NODAL: variants seen among roughly 807,000 people sequenced by gnomAD.
NODAL encodes nodal growth differentiation factor, also known as nodal homolog.
NODAL carries 12 observed loss-of-function variants against 34.0 expected under a neutral mutation model. The ratio of observed to expected loss-of-function variants is 0.35; its 90% CI spans 0.23 to 0.57. The LOEUF (loss-of-function observed/expected upper bound fraction) is 0.57. Ranked by LOEUF, NODAL falls within the 20% of genes least tolerant of loss-of-function variation. The pLI is 0.83. For synonymous variants in NODAL, 162 were observed against 186.4 expected, an observed-to-expected ratio of 0.87 and a Z score of 1.07; for missense variants, 390 against 444.2, an observed-to-expected ratio of 0.88 and a Z score of 1.10.
At position 70,432,981 on chromosome 10, in the gene NODAL, T is replaced by C; in HGVS notation, c.999A>G (p.Leu333=). ...CCACGATCATGTCTTTATGGTGATC[T>C]AGGAGCACTCTGCCATTATCCACAT... ...MLYVDNGRVL[L]DHHKDMIVEE... Residue 333 remains leucine (L), a synonymous_variant, in exon 3 of 3, where the codon CTA becomes CTG. Transcript: ENST00000287139. 6.2e-7 allele frequency: 1 copy of C among 1,614,136 alleles called. No homozygotes were observed. The highest frequency in any genetic ancestry group is 1.1e-5 in the South Asian group (1 of 91,082).
chr10:70,445,684 G>A (rs1054506410), upstream of NODAL, among the ~76,000 whole-genome samples: 1 of 152,210 alleles, frequency 6.6e-6, no homozygotes, highest in African/African-American at 2.4e-5. Context: ...CAGAGACGAT[G>A]AGAAAACAGA....
chr10:70,434,364 A>G (rs769955498), intron 2 of NODAL, among the ~76,000 whole-genome samples: 3 of 151,922 alleles, frequency 2.0e-5, no homozygotes, highest in East Asian at 1.9e-4. Context: ...GGCTTTGTCT[A>G]CTTTTTCTTG....
At chr10:70,442,767 A>C (rs1845446936), upstream of NODAL, among the ~76,000 whole-genome samples, 2 of 152,148 alleles carry the variant, frequency 1.3e-5, no homozygotes, top group African/African-American at 4.8e-5. Context: ...CTTCTTTCAC[A>C]GGATGCCTCT....
chr10:70,445,666 C>T (rs1845481798), upstream of NODAL, among the ~76,000 whole-genome samples: 1 of 152,182 alleles, frequency 6.6e-6, no homozygotes, highest in African/African-American at 2.4e-5. Flanking sequence ...TTATCCTCAT[C>T]CCCACTTCAG....
chr10:70,441,417 G>T, intron 1 of NODAL, 58 bp downstream of exon 1: 1 of 1,524,700 alleles, frequency 6.6e-7, no homozygotes. Context: ...CCGCTGGCTG[G>T]ACGCGGCGGA....
upstream of NODAL, among the ~76,000 whole-genome samples, chr10:70,444,180 G>A (rs566582923): frequency 2.8e-4 from 42 of 152,134 alleles, no homozygotes; most frequent in African/African-American, 8.9e-4. Flanking sequence ...CGATCCACCC[G>A]CCTCAGCCTC....
upstream of NODAL, among the ~76,000 whole-genome samples, chr10:70,442,383 A>C (rs1407848983): frequency 6.6e-6 from 1 of 152,204 alleles, no homozygotes; most frequent in Non-Finnish European, 1.5e-5. Flanking sequence ...TGATTTCAGG[A>C]GGAAAGGTGT....
intron 2 of NODAL, 112 bp downstream of exon 2, chr10:70,435,174 G>C: frequency 1.1e-6 from 1 of 927,006 alleles, no homozygotes; most frequent in Admixed American, 2.1e-5. Flanking sequence ...GTACATTGGA[G>C]GTGCTTGAGT....
chr10:70,442,966 A>G (rs1253162564), upstream of NODAL, among the ~76,000 whole-genome samples: 2 of 152,152 alleles, frequency 1.3e-5, no homozygotes, highest in Non-Finnish European at 2.9e-5. Flanking sequence ...GTGCGCCTGT[A>G]GTCCCAGCTC....
intron 2 of NODAL, among the ~76,000 whole-genome samples, chr10:70,434,432 G>A (rs1028919045): frequency 3.3e-5 from 5 of 152,142 alleles, no homozygotes; most frequent in Non-Finnish European, 4.4e-5. Context: ...GCATGATCTC[G>A]GCTCACTGCA....
upstream of NODAL, among the ~76,000 whole-genome samples, chr10:70,442,562 G>A (rs1333799501): frequency 6.6e-6 from 1 of 152,132 alleles, no homozygotes; most frequent in African/African-American, 2.4e-5. Flanking sequence ...TCAAATCAGG[G>A]CTGGAATGAC....
chr10:70,437,169 G>A (rs994227464), intron 1 of NODAL, among the ~76,000 whole-genome samples: 33 of 152,218 alleles, frequency 2.2e-4, no homozygotes, highest in South Asian at 4.1e-4. Context: ...GATGCCGGGC[G>A]CGGTGGCTCA....
In NODAL at chr10:70,432,577, G is replaced by GT. The variant is rs1845280274; in HGVS notation, c.*358_*359insA. 2.8e-6 allele frequency: 1 copy of GT among 355,450 alleles called. No homozygotes were observed. Among genetic ancestry groups the GT allele is most frequent in the Non-Finnish European group, 5.5e-6 (1 of 182,648 alleles). 22.0% of individuals were successfully genotyped at this position (355,450 alleles called of 1,614,324 possible). On this transcript the variant is annotated 3_prime_UTR_variant, in exon 3 of 3. Coordinates refer to ENST00000287139, the MANE Select transcript of NODAL (RefSeq NM_018055.5). ...ACTTCATCCCACCTCCAAAATACAT[G>GT]CACATATGTCTCAACTTTCACATAC...
At chr10:70,435,195 A>G (rs1845327906) in intron 2 of NODAL, 91 bp downstream of exon 2, 1 of 1,144,414 alleles carries the variant, frequency 8.7e-7, no homozygotes, top group Non-Finnish European at 1.3e-6. Context: ...AACTGTGAAT[A>G]CAGGAACATA....
chr10:70,432,021 C>CT lies in NODAL; in HGVS notation c.*914dup, dbSNP rs1373890227. ...CCAGCGTTCCTTTTACAAGTGGAGACTGGACAGTGAATTGCTCACCTGAGG... is the reference window on the plus strand; with the variant it reads ...CCAGCGTTCCTTTTACAAGTGGAGACTTGGACAGTGAATTGCTCACCTGAGG... On this transcript the variant is annotated 3_prime_UTR_variant, in exon 3 of 3. Transcript: ENST00000287139. Among the ~76,000 whole-genome samples, 17 of 152,324 alleles carry CT rather than the reference C, an allele frequency of 1.1e-4. No individual in the cohort carries two copies. The highest frequency in any genetic ancestry group is 3.4e-4 in the African/African-American group (14 of 41,562).
Position 70,435,790 on chromosome 10 carries a change from T to G in NODAL, c.387A>C (p.Leu129Phe). The change falls in exon 2 of 3, where the codon TTA (leucine) becomes TTC (phenylalanine). Residue 129 changes from leucine (L) to phenylalanine (F), a missense_variant. Physicochemically the swap from Leu to Phe is conservative, Grantham distance 22. Coordinates refer to ENST00000287139, the MANE Select transcript of NODAL (RefSeq NM_018055.5). The stretch of plus-strand genomic sequence containing the variant: ...TGAATAGGTCCATCTGAAACCGCTC[T>G]AAGCAGCTGTCTGAAGCCTGCTCTG... ...PDTEQASDSC[L>F]ERFQMDLFTV... 1 of 1,614,140 alleles carries G rather than the reference T, an allele frequency of 6.2e-7. No individual in the cohort carries two copies. Among genetic ancestry groups the G allele is most frequent in the Non-Finnish European group, 8.5e-7 (1 of 1,180,040 alleles).
chr10:70,432,749 T>TGTGCTTGGCCAGACTCC lies in NODAL; in HGVS notation c.*170_*186dup, dbSNP rs1845283927. On this transcript the variant is annotated 3_prime_UTR_variant, in exon 3 of 3. Coordinates refer to ENST00000287139, the MANE Select transcript of NODAL (RefSeq NM_018055.5). ...CCTCCCTCTTCCTGACAGCAGCCTCTGTGCTTGGCCAGACTCCACTGAGCC... is the reference window on the plus strand; with the variant it reads ...CCTCCCTCTTCCTGACAGCAGCCTCTGTGCTTGGCCAGACTCCGTGCTTGGCCAGACTCCACTGAGCC... 4.5e-6 allele frequency: 3 copies of TGTGCTTGGCCAGACTCC among 664,816 alleles called. No individual in the cohort carries two copies. The highest frequency in any genetic ancestry group is 2.2e-5 in the Admixed American group (1 of 45,306). 41.2% of individuals were successfully genotyped at this position (664,816 alleles called of 1,614,324 possible). A position where few individuals can be genotyped will look rare whatever the true frequency, so the allele number is the denominator to read the frequency against.
At chr10:70,438,014 G>C (rs1589153312) in intron 1 of NODAL, among the ~76,000 whole-genome samples, 1 of 152,096 alleles carries the variant, frequency 6.6e-6, no homozygotes, top group African/African-American at 2.4e-5. Flanking sequence ...TCTTGGCCAG[G>C]TGCGGTGGGT....
intron 1 of NODAL, among the ~76,000 whole-genome samples, chr10:70,440,623 G>T (rs950686347): frequency 6.6e-6 from 1 of 152,166 alleles, no homozygotes; most frequent in Non-Finnish European, 1.5e-5. Flanking sequence ...GCGCGGAAGG[G>T]GCTCCCTCTC....
Sources: allele counts gnomAD v4.1 joint callset (sites outside exome capture counted in the v4.1 genomes callset), GRCh38; gene constraint gnomAD v4.1.1; transcripts MANE v1.5; gene names NCBI Gene and HGNC (gene_info 2026-07-23, HGNC 2026-07-21).